Variants in NBPF15 observed in about 807,000 individuals in gnomAD.
NBPF15 encodes the protein NBPF member 15.
NBPF15 carries 74 observed loss-of-function variants against 62.2 expected under a neutral mutation model. That is an observed-to-expected ratio of 1.19 (90% CI 0.99 to 1.44). NBPF15 has a LOEUF of 1.44. Among genes scored for constraint, NBPF15 ranks in the 40% most tolerant of loss-of-function variants. NBPF15 has a pLI of 0.00. For synonymous variants in NBPF15, 244 were observed against 209.7 expected (o/e 1.16, Z -1.41); for missense variants, 790 against 550.0 (o/e 1.44, Z -4.36).
rs1206126178 is a variant in NBPF15, at chr1:144,428,797, A to G, written c.989-140T>C. 416 of 610,380 alleles carry G rather than the reference A, an allele frequency of 6.8e-4. 4 individuals carry two copies. Among genetic ancestry groups the G allele is most frequent in the Middle Eastern group, 3.1e-3 (7 of 2,290 alleles). The allele number at this position is 610,380 out of a possible 1,614,324, so 37.8% of individuals were successfully genotyped here. ...GAGACTTTGAGAGAAATATTCCAGT[A>G]GGCCTGAGGTCAAGTCTTGAGAAAA... is the stretch of plus-strand genomic sequence containing the variant. On this transcript the variant is annotated intron_variant, in intron 14 of 21. Coordinates refer to ENST00000581897, the MANE Select transcript of NBPF15 (RefSeq NM_001385408.1).
chr1:144,443,260 A>C (rs1684905010), intron 6 of NBPF15, among the ~76,000 whole-genome samples: 1 of 152,004 alleles, frequency 6.6e-6, no homozygotes, highest in Non-Finnish European at 1.5e-5. Context: ...AAAAATCAAT[A>C]ACTGTACATA....
chr1:144,428,041 C>T (rs1250215169), intron 15 of NBPF15, 51 bp from the exon 16 acceptor site: 6 of 783,234 alleles, frequency 7.7e-6, no homozygotes, highest in African/African-American at 3.4e-5. Context: ...TCAGAAACCA[C>T]ACAGTCCCAG....
intron 6 of NBPF15, among the ~76,000 whole-genome samples, chr1:144,445,946 T>C (rs1443895006): frequency 7.0e-6 from 1 of 143,140 alleles, no homozygotes; most frequent in Admixed American, 7.1e-5. Context: ...AACCTCTGCC[T>C]CCCAGGTTCA....
intron 4 of NBPF15, among the ~76,000 whole-genome samples, chr1:144,456,258 G>A: frequency 6.6e-6 from 1 of 151,812 alleles, no homozygotes; most frequent in Non-Finnish European, 1.5e-5. Flanking sequence ...AGAGCAAGGA[G>A]TGGGATGCAG....
At chr1:144,423,288 C>G (rs782397466) in intron 21 of NBPF15, 32 bp from the exon 22 acceptor site, 5 of 1,611,064 alleles carry the variant, frequency 3.1e-6, no homozygotes, top group Non-Finnish European at 4.2e-6. Flanking sequence ...AAGAAGCAGC[C>G]AGGGAAAATC....
At chr1:144,431,405 G>A (rs1343050487) in intron 13 of NBPF15, among the ~76,000 whole-genome samples, 3 of 150,828 alleles carry the variant, frequency 2.0e-5, no homozygotes, top group African/African-American at 7.4e-5. Context: ...CCAGAAGAGA[G>A]TGGGAGCAAT....
chr1:144,423,224 G>C lies in NBPF15; in HGVS notation c.1802C>G (p.Pro601Arg), dbSNP rs782183445. 3 of 1,611,440 alleles carry C rather than the reference G, an allele frequency of 1.9e-6. No individual in the cohort carries two copies. Among genetic ancestry groups the C allele is most frequent in the East Asian group, 2.2e-5 (1 of 44,878 alleles). ...LYGVLMEVEEPEVLQDSLDRC... is the reference protein window; with the variant it reads ...LYGVLMEVEEREVLQDSLDRC... ...ATCCAGTGAGTCCTGTAAGACTTCA[G>C]GCTCTTCCACTTCCATCAGCACGCC... The change falls in exon 22 of 22, where the codon CCT becomes CGT. Residue 601 changes from proline to arginine, a missense_variant. By Grantham distance (103) the Pro-to-Arg change is moderately radical (BLOSUM62 -2). Transcript: ENST00000581897.
At chr1:144,451,084 C>T (rs1355952683) in intron 4 of NBPF15, among the ~76,000 whole-genome samples, 10 of 152,022 alleles carry the variant, frequency 6.6e-5, no homozygotes, top group Admixed American at 2.6e-4. Flanking sequence ...TGATCATTAT[C>T]GGGCATTTCC....
intron 6 of NBPF15, among the ~76,000 whole-genome samples, chr1:144,442,292 A>ATATATATATACACGTGTATATAT (rs1684021999): frequency 7.3e-5 from 9 of 123,204 alleles, no homozygotes; most frequent in African/African-American, 2.2e-4. Context: ...TGTATATATT[A>ATATATATATACACGTGTATATAT]TATATATATA....
chr1:144,444,773 T>C (rs12082690), intron 6 of NBPF15, among the ~76,000 whole-genome samples: 3,628 of 151,924 alleles, frequency 0.024, 166 homozygotes, highest in African/African-American at 0.083. Flanking sequence ...CAAAACTCTC[T>C]TCCTCCCCAG....
intron 4 of NBPF15, among the ~76,000 whole-genome samples, chr1:144,451,904 C>A (rs1184881217): frequency 1.3e-5 from 2 of 151,812 alleles, no homozygotes; most frequent in African/African-American, 2.4e-5. Context: ...GTAATCCTAG[C>A]ACTTTGAGAG....
chr1:144,454,898 G>C (rs1213869367), intron 4 of NBPF15, among the ~76,000 whole-genome samples: 18 of 149,658 alleles, frequency 1.2e-4, no homozygotes, highest in Middle Eastern at 3.2e-3. Flanking sequence ...AGGACCTAAG[G>C]GCTACAGGAC....
At chr1:144,455,798 C>G (rs1317868251) in intron 4 of NBPF15, among the ~76,000 whole-genome samples, 1 of 151,850 alleles carries the variant, frequency 6.6e-6, no homozygotes, top group African/African-American at 2.4e-5. Flanking sequence ...TGGTGGGTTC[C>G]ATGGGGTAGT....
At chr1:144,444,392 A>G (rs1352380319) in intron 6 of NBPF15, among the ~76,000 whole-genome samples, 4 of 151,812 alleles carry the variant, frequency 2.6e-5, no homozygotes, top group Non-Finnish European at 2.9e-5. Flanking sequence ...GGCATTCTTA[A>G]CAGGAGCCAT....
At chr1:144,453,638 C>CAAAAAAAAAAAAAAAAAA (rs200525708) in intron 4 of NBPF15, among the ~76,000 whole-genome samples, 1 of 36,400 alleles carries the variant, frequency 2.7e-5, no homozygotes, top group African/African-American at 6.5e-5. Context: ...CAACACAAAG[C>CAAAAAAAAAAAAAAAAAA]AAAAAAAAAA....
Position 144,439,742 on chromosome 1 carries a change from A to C in NBPF15, c.175+87T>G, listed in dbSNP as rs61812385. On this transcript the variant is annotated intron_variant, in intron 8 of 21. Transcript: ENST00000581897. ...CTAGAAGTACAGGAAGGATGAAATT[A>C]TTTTTGATGGAGAGAGCATTTAGTG... is the stretch of plus-strand genomic sequence containing the variant. 7,598 of 971,964 alleles carry C rather than the reference A, an allele frequency of 7.8e-3. 358 individuals carry two copies. In the African/African-American group the frequency reaches 0.1, roughly 13 times the overall value. 60.2% of individuals were successfully genotyped at this position (971,964 alleles called of 1,614,324 possible). A position where few individuals can be genotyped will look rare whatever the true frequency, so the allele number is the denominator to read the frequency against.
At chr1:144,444,318 C>G (rs1419923182) in intron 6 of NBPF15, among the ~76,000 whole-genome samples, 3 of 147,950 alleles carry the variant, frequency 2.0e-5, no homozygotes, top group African/African-American at 7.6e-5. Flanking sequence ...TGGAATGTAA[C>G]AAAAGCCCAC....
chr1:144,425,201 G>A (rs1668890210), intron 19 of NBPF15, among the ~76,000 whole-genome samples: 1 of 129,950 alleles, frequency 7.7e-6, no homozygotes, highest in South Asian at 2.9e-4. Context: ...GTGCCCTCAG[G>A]ACACACAGCA....
In NBPF15 at chr1:144,440,135, A is replaced by C; in HGVS notation, c.-36+6T>G. The C allele has an allele frequency of 1.9e-6, 3 of 1,584,724 alleles. No individual in the cohort carries two copies. The highest frequency in any genetic ancestry group is 8.6e-7 in the Non-Finnish European group (1 of 1,158,156). ...GGGATGTAAGTAACTGAAATTCTTA[A>C]CTTACTGTTGTCAAAAATGTGATCA... On this transcript the variant is annotated splice_donor_region_variant and intron_variant, in intron 7 of 21. Transcript: ENST00000581897.
Sources: gnomAD v4.1 joint callset for allele counts (sites outside exome capture counted in the v4.1 genomes callset) on GRCh38, gnomAD v4.1.1 for gene constraint, MANE v1.5 for transcripts, NCBI Gene and HGNC (gene_info 2026-07-23, HGNC 2026-07-21) for gene names.